The following RPS6KC1 variants were observed in gnomAD, a reference collection of about 807,000 sequenced individuals.
RPS6KC1 encodes the protein ribosomal protein S6 kinase C1.
In RPS6KC1, 54 loss-of-function variants were observed where a neutral mutation model predicts 103.8. The observed-to-expected ratio is 0.52, with a 90% CI of 0.42 to 0.65. The LOEUF (loss-of-function observed/expected upper bound fraction) is 0.65, where lower values mean the gene tolerates loss of function less well. RPS6KC1 is among the 30% of genes least tolerant of loss of function. The pLI is 0.00. For synonymous variants in RPS6KC1, 439 were observed against 438.7 expected (o/e 1.00, Z -0.01); for missense variants, 1,151 against 1,253.8 (o/e 0.92, Z 1.24).
At chr1:213,620,733 C>G in the RPS6KC1 span, among the ~76,000 whole-genome samples, 1 of 152,172 alleles carries the variant, frequency 6.6e-6, no homozygotes, top group African/African-American at 2.4e-5. Context: ...AATGGAGACA[C>G]AGTATGGTTA....
chr1:213,243,312 G>A (rs1394884382), intron 12 of RPS6KC1, among the ~76,000 whole-genome samples: 1 of 151,676 alleles, frequency 6.6e-6, no homozygotes, highest in Non-Finnish European at 1.5e-5. Flanking sequence ...TAGAAACAGG[G>A]CCTTGCTGTG....
the RPS6KC1 span, among the ~76,000 whole-genome samples, chr1:213,501,752 A>G: frequency 5.3e-5 from 8 of 152,244 alleles, no homozygotes; most frequent in South Asian, 1.7e-3. Context: ...AAAAAGAAAA[A>G]AAAGAAAAAT....
chr1:213,243,791 G>GT (rs766406408), intron 12 of RPS6KC1, among the ~76,000 whole-genome samples: 35 of 152,116 alleles, frequency 2.3e-4, no homozygotes, highest in Admixed American at 9.2e-4. Context: ...CTGCTTAGGT[G>GT]TTGATCAATA....
intron 6 of RPS6KC1, among the ~76,000 whole-genome samples, chr1:213,137,023 A>T (rs940627168): frequency 6.6e-6 from 1 of 152,036 alleles, no homozygotes; most frequent in East Asian, 1.9e-4. Flanking sequence ...CCCATTCCTT[A>T]CAAGGGCAGG....
chr1:213,129,571 G>T lies in RPS6KC1; in HGVS notation c.517G>T (p.Asp173Tyr), dbSNP rs553554592. ...TCTGGTATCTCTTACTGTTGATGTG[G>T]ATTCTCTTGCTGAGTTAGATGATGG... Reference protein sequence around the residue: ...SDLVSLTVDVDSLAELDDGMA... With the variant: ...SDLVSLTVDVYSLAELDDGMA... Residue 173 changes from aspartate (D) to tyrosine (Y), a missense_variant, in exon 6 of 15, where the codon GAT (aspartate) becomes TAT (tyrosine). Coordinates refer to ENST00000366960, the MANE Select transcript of RPS6KC1 (RefSeq NM_012424.6). 2 of 1,613,482 alleles carry T rather than the reference G, an allele frequency of 1.2e-6. No individual in the cohort carries two copies. Among genetic ancestry groups the T allele is most frequent in the South Asian group, 1.1e-5 (1 of 91,014 alleles).
intron 1 of RPS6KC1, 122 bp from the exon 2 acceptor site, chr1:213,070,884 T>C (rs952748217): frequency 2.3e-5 from 14 of 608,586 alleles, no homozygotes; most frequent in African/African-American, 3.9e-5. Flanking sequence ...ATAAATGATA[T>C]AGTGTTTATT....
chr1:213,143,675 T>A (rs1206238736), intron 6 of RPS6KC1, among the ~76,000 whole-genome samples: 1 of 152,078 alleles, frequency 6.6e-6, no homozygotes, highest in African/African-American at 2.4e-5. Context: ...TTTTCGTTTT[T>A]AAATCTCATT....
chr1:213,178,792 G>A (rs535255720), intron 8 of RPS6KC1, among the ~76,000 whole-genome samples: 2 of 151,934 alleles, frequency 1.3e-5, no homozygotes, highest in South Asian at 4.2e-4. Context: ...TTGGCTCACT[G>A]CAGCCTCCGC....
chr1:213,439,015 C>T, the RPS6KC1 span, among the ~76,000 whole-genome samples: 5 of 152,072 alleles, frequency 3.3e-5, no homozygotes, highest in East Asian at 5.8e-4. Context: ...AGGATGGTCT[C>T]GATCTCCTGA....
At chr1:213,260,594 A>G (rs771474639) in intron 12 of RPS6KC1, among the ~76,000 whole-genome samples, 6 of 152,092 alleles carry the variant, frequency 3.9e-5, no homozygotes, top group Non-Finnish European at 8.8e-5. Flanking sequence ...CTAACTACTT[A>G]TAAACTTGAA....
chr1:213,230,802 T>A, intron 9 of RPS6KC1, among the ~76,000 whole-genome samples: 1 of 126,308 alleles, frequency 7.9e-6, no homozygotes, highest in Non-Finnish European at 1.6e-5. Context: ...ACCATTGCAC[T>A]CCAGCCTGGG....
chr1:213,287,091 A>G, the RPS6KC1 span, among the ~76,000 whole-genome samples: 4 of 152,244 alleles, frequency 2.6e-5, no homozygotes, highest in East Asian at 1.9e-4. Flanking sequence ...AAACAATAGT[A>G]TCTAGAGATG....
At chr1:213,262,839 C>G (rs774759073) in intron 14 of RPS6KC1, 23 bp downstream of exon 14, 1 of 1,375,720 alleles carries the variant, frequency 7.3e-7, no homozygotes, top group Non-Finnish European at 1.0e-6. Context: ...ACCTATTGGC[C>G]AGGTTTATCA....
chr1:213,140,320 C>T (rs1329737378), intron 6 of RPS6KC1, among the ~76,000 whole-genome samples: 3 of 152,008 alleles, frequency 2.0e-5, no homozygotes, highest in Non-Finnish European at 4.4e-5. Flanking sequence ...TATTTGGATG[C>T]TTTTTATTTC....
At chr1:213,780,225 T>C in the RPS6KC1 span, among the ~76,000 whole-genome samples, 13 of 152,312 alleles carry the variant, frequency 8.5e-5, no homozygotes, top group East Asian at 2.5e-3. Flanking sequence ...TCTCATGGAA[T>C]TGCCTGAGGC....
the RPS6KC1 span, among the ~76,000 whole-genome samples, chr1:213,802,020 AT>A: frequency 1.3e-5 from 2 of 152,170 alleles, no homozygotes; most frequent in South Asian, 2.1e-4. Flanking sequence ...ATACTCAGTT[AT>A]TTTTTTCACT....
the RPS6KC1 span, among the ~76,000 whole-genome samples, chr1:213,387,163 T>C: frequency 4.6e-5 from 7 of 152,346 alleles, no homozygotes; most frequent in South Asian, 4.2e-4. Flanking sequence ...TTAATCAGGG[T>C]ATCCCAGACA....
At chr1:213,783,717 A>G in the RPS6KC1 span, among the ~76,000 whole-genome samples, 1 of 151,578 alleles carries the variant, frequency 6.6e-6, no homozygotes, top group Non-Finnish European at 1.5e-5. Flanking sequence ...CTAAAATCTA[A>G]AAGACTCCAC....
At chr1:213,859,082 G>A in the RPS6KC1 span, among the ~76,000 whole-genome samples, 4 of 152,140 alleles carry the variant, frequency 2.6e-5, no homozygotes, top group African/African-American at 7.2e-5. Context: ...TGCAGACCAA[G>A]GCATGCATCA....
Sources: gnomAD v4.1 joint callset for allele counts (sites outside exome capture counted in the v4.1 genomes callset) on GRCh38, gnomAD v4.1.1 for gene constraint, MANE v1.5 for transcripts, NCBI Gene and HGNC (gene_info 2026-07-23, HGNC 2026-07-21) for gene names.